Variants in CMSS1 observed in about 807,000 individuals in gnomAD.
CMSS1 encodes protein CMSS1.
A neutral mutation model predicts 43.5 loss-of-function variants in CMSS1; 33 were observed. The observed-to-expected ratio is 0.76, with a 90% CI of 0.57 to 1.01. The LOEUF is 1.01. Ranked by LOEUF, CMSS1 falls within the 50% of genes least tolerant of loss-of-function variation. The pLI is 0.00. For missense variants in CMSS1, 313 were observed against 326.4 expected, an observed-to-expected ratio of 0.96 and a Z score of 0.32; for synonymous variants, 115 against 117.2, an observed-to-expected ratio of 0.98 and a Z score of 0.12.
chr3:99,916,988 A>C (rs563606992), intron 1 of CMSS1, among the ~76,000 whole-genome samples: 6 of 152,150 alleles, frequency 3.9e-5, no homozygotes, highest in Non-Finnish European at 8.8e-5. Flanking sequence ...ATGAGGCAAA[A>C]ATTTCTATTT....
chr3:99,953,255 C>T (rs1317373628), intron 1 of CMSS1, among the ~76,000 whole-genome samples: 2 of 152,028 alleles, frequency 1.3e-5, no homozygotes, highest in East Asian at 1.9e-4. Flanking sequence ...TATAACCAAT[C>T]GTTTCTTTGT....
chr3:100,110,044 G>A (rs2066464977), intron 1 of CMSS1: 1 of 151,448 alleles, frequency 6.6e-6, no homozygotes, highest in Non-Finnish European at 1.5e-5. Flanking sequence ...AATAGAACCA[G>A]CCCGAAGATA....
intron 4 of CMSS1, among the ~76,000 whole-genome samples, chr3:100,165,442 A>T: frequency 6.6e-6 from 1 of 152,170 alleles, no homozygotes; most frequent in African/African-American, 2.4e-5. Flanking sequence ...ATATATATAT[A>T]TTCTTATAAA....
intron 1 of CMSS1, chr3:100,114,375 C>T (rs1258152211): frequency 6.6e-6 from 1 of 152,356 alleles, no homozygotes; most frequent in Non-Finnish European, 1.5e-5. Context: ...CACAGCTTGC[C>T]AGTCTCTGTG....
At chr3:100,033,731 A>G (rs2065060205) in intron 1 of CMSS1, among the ~76,000 whole-genome samples, 1 of 152,204 alleles carries the variant, frequency 6.6e-6, no homozygotes, top group African/African-American at 2.4e-5. Flanking sequence ...AAAACCTGAT[A>G]TATTGAAAAT....
At chr3:100,146,924 G>GATTTTT in intron 1 of CMSS1, 49 bp from the exon 2 acceptor site, 1 of 1,581,992 alleles carries the variant, frequency 6.3e-7, no homozygotes, top group Non-Finnish European at 8.6e-7. Flanking sequence ...GATTGCACTA[G>GATTTTT]CAATGAGAGA....
intron 1 of CMSS1, among the ~76,000 whole-genome samples, chr3:99,863,057 T>C (rs1944338462): frequency 6.6e-6 from 1 of 152,160 alleles, no homozygotes; most frequent in Non-Finnish European, 1.5e-5. Context: ...TAGGCAGCGG[T>C]CCCCAACCTT....
intron 1 of CMSS1, among the ~76,000 whole-genome samples, chr3:99,862,519 T>C (rs1223470296): frequency 6.6e-6 from 1 of 152,216 alleles, no homozygotes; most frequent in African/African-American, 2.4e-5. Flanking sequence ...TAATTCTTTG[T>C]TGTAGGGGCT....
At chr3:100,053,348 G>A (rs183712074) in intron 1 of CMSS1, among the ~76,000 whole-genome samples, 2 of 152,312 alleles carry the variant, frequency 1.3e-5, no homozygotes, top group Admixed American at 1.3e-4. Flanking sequence ...CCGTAGGGAA[G>A]AATACTTTCT....
chr3:99,849,745 G>A lies in CMSS1; in HGVS notation c.64+31702G>A, dbSNP rs531300295. The A allele has an allele frequency of 4.6e-5, 75 of 1,613,654 alleles. 2 individuals are homozygous for A. The South Asian group carries it at 6.8e-4, about 15-fold the overall frequency. ...TGTTTTCATGAGGTCATCCTCAATG[G>A]CTTTCATGTCCTTTAGCTTCAGTTT... On this transcript the variant is annotated intron_variant, in intron 1 of 9. Transcript: ENST00000421999.
At chr3:99,831,517 G>A (rs1252863857) in intron 1 of CMSS1, among the ~76,000 whole-genome samples, 1 of 152,212 alleles carries the variant, frequency 6.6e-6, no homozygotes, top group Non-Finnish European at 1.5e-5. Context: ...GGACATTTCT[G>A]TGAACAACCA....
At position 99,817,932 on chromosome 3, in the gene CMSS1, C is replaced by T; in HGVS notation, c.-48C>T. 1 of 1,593,136 alleles carries T rather than the reference C, an allele frequency of 6.3e-7. No individual in the cohort carries two copies. On this transcript the variant is annotated 5_prime_UTR_variant, in exon 1 of 10. Coordinates refer to ENST00000421999, the MANE Select transcript of CMSS1 (RefSeq NM_032359.4). ...TTTGAGACAACGTGATTCTCCGCAG[C>T]TGGTCGCCTACCCGTGATGTTCTGC...
At chr3:99,979,125 T>C (rs1709049335) in intron 1 of CMSS1, among the ~76,000 whole-genome samples, 1 of 152,310 alleles carries the variant, frequency 6.6e-6, no homozygotes, top group East Asian at 1.9e-4. Context: ...AAATGATAAA[T>C]GTTTGAGGTG....
chr3:100,045,929 G>A (rs1467086631), intron 1 of CMSS1, among the ~76,000 whole-genome samples: 3 of 152,132 alleles, frequency 2.0e-5, no homozygotes, highest in Non-Finnish European at 1.5e-5. Context: ...GGAAGGGGGA[G>A]GAGGCGGAGC....
intron 1 of CMSS1, among the ~76,000 whole-genome samples, chr3:100,066,152 C>T (rs955213846): frequency 4.6e-5 from 7 of 152,308 alleles, no homozygotes; most frequent in African/African-American, 7.2e-5. Flanking sequence ...TGAATTCAAA[C>T]TGGAATTTCT....
At chr3:100,148,859 A>T (rs1423301100) in intron 2 of CMSS1, among the ~76,000 whole-genome samples, 1 of 152,040 alleles carries the variant, frequency 6.6e-6, no homozygotes, top group Non-Finnish European at 1.5e-5. Context: ...TTTTTCTCCA[A>T]CCATTAAATA....
chr3:100,095,116 A>G (rs1388279231), intron 1 of CMSS1, among the ~76,000 whole-genome samples: 1 of 152,168 alleles, frequency 6.6e-6, no homozygotes, highest in African/African-American at 2.4e-5. Context: ...CTTTACCAGT[A>G]CATACAGTCT....
chr3:99,930,305 A>G (rs1286944754), intron 1 of CMSS1, among the ~76,000 whole-genome samples: 1 of 152,182 alleles, frequency 6.6e-6, no homozygotes, highest in Non-Finnish European at 1.5e-5. Context: ...ATATCCATCA[A>G]TGTACTAGCA....
intron 1 of CMSS1, among the ~76,000 whole-genome samples, chr3:99,843,450 C>A (rs1202944051): frequency 1.3e-5 from 2 of 152,112 alleles, no homozygotes; most frequent in Non-Finnish European, 2.9e-5. Flanking sequence ...GTAGAATAGC[C>A]ACATTTCCTA....
Sources: allele counts gnomAD v4.1 joint callset (sites outside exome capture counted in the v4.1 genomes callset), GRCh38; gene constraint gnomAD v4.1.1; transcripts MANE v1.5; gene names NCBI Gene and HGNC (gene_info 2026-07-23, HGNC 2026-07-21).